The following ZNF431 variants were observed in gnomAD, a reference collection of about 807,000 sequenced individuals.
ZNF431 encodes zinc finger protein 431.
Under a neutral mutation model 57.0 loss-of-function variants are expected in ZNF431, and 34 were observed. That is an observed-to-expected ratio of 0.60 (90% confidence interval 0.45 to 0.79). The LOEUF is 0.79. ZNF431 is among the 30% of genes least tolerant of loss of function. The probability of loss-of-function intolerance (pLI) is 0.00; values close to 1 mark genes in which losing one functional copy is unlikely to be tolerated. For missense variants in ZNF431, 607 were observed against 667.1 expected (o/e 0.91, Z 0.99); for synonymous variants, 207 against 220.3 (o/e 0.94, Z 0.54).
In ZNF431 at chr19:21,195,836, T is replaced by G. The variant is rs1042467095; in HGVS notation, c.*11802T>G. The G allele has an allele frequency of 6.6e-6, 1 of 152,220 alleles. No homozygotes were observed. Among genetic ancestry groups the G allele is most frequent in the African/African-American group, 2.4e-5 (1 of 41,456 alleles). The allele number at this position is 152,220 out of a possible 1,614,324, so 9.4% of individuals were successfully genotyped here. A position where few individuals can be genotyped will look rare whatever the true frequency, so the allele number is the denominator to read the frequency against. On this transcript the variant is annotated 3_prime_UTR_variant, in exon 5 of 5. Transcript: ENST00000311048. ...ATGTGTGATACATCTTTGGATAATC[T>G]GTAATTAAATTGATCTTTTGTAATG... is the stretch of plus-strand genomic sequence containing the variant.
At position 21,164,458 on chromosome 19, in the gene ZNF431, C is replaced by T. The variant is rs148496630; in HGVS notation, c.97-1877C>T. 2.8e-3 allele frequency among the ~76,000 whole-genome samples: 419 copies of T among 152,162 alleles called. 3 individuals are homozygous for T. The highest frequency in any genetic ancestry group is 9.6e-3 in the African/African-American group (400 of 41,518). On this transcript the variant is annotated intron_variant, in intron 2 of 4. Transcript: ENST00000311048. ...TGGAGCAGCTCATTTTTTCCTGAAT[C>T]TCTTCTGTTATAAAGGAGAGAAATG... is the stretch of plus-strand genomic sequence containing the variant.
intron 2 of ZNF431, among the ~76,000 whole-genome samples, chr19:21,152,208 T>TG (rs1970293423): frequency 6.6e-6 from 1 of 152,146 alleles, no homozygotes; most frequent in African/African-American, 2.4e-5. Flanking sequence ...CTAGGCAAGA[T>TG]GGTTACTCTG....
At chr19:21,146,980 C>T (rs913913840) in intron 2 of ZNF431, among the ~76,000 whole-genome samples, 1 of 152,160 alleles carries the variant, frequency 6.6e-6, no homozygotes. Context: ...GATATTTTTG[C>T]CTAACTATTC....
chr19:21,185,773 T>G lies in ZNF431; in HGVS notation c.*1739T>G, dbSNP rs1388482746. Reference sequence around the variant, plus strand: ...ACCACGCCCAGCCTGTAGCATATTTTAATAGGAGAATACAATATATAATAG... The same window carrying G: ...ACCACGCCCAGCCTGTAGCATATTTGAATAGGAGAATACAATATATAATAG... On this transcript the variant is annotated 3_prime_UTR_variant, in exon 5 of 5. Transcript: ENST00000311048. The G allele has an allele frequency of 1.3e-5, 2 of 152,136 alleles. No homozygotes were observed. The highest frequency in any genetic ancestry group is 2.9e-5 in the Non-Finnish European group (2 of 68,038). The allele number at this position is 152,136 out of a possible 1,614,324, so 9.4% of individuals were successfully genotyped here.
At chr19:21,153,862 G>A (rs192057951) in intron 2 of ZNF431, among the ~76,000 whole-genome samples, 9 of 152,082 alleles carry the variant, frequency 5.9e-5, no homozygotes, top group Admixed American at 2.0e-4. Context: ...GATTACAGGC[G>A]CCCACCACCA....
intron 2 of ZNF431, among the ~76,000 whole-genome samples, chr19:21,161,404 T>C (rs1391234010): frequency 6.6e-6 from 1 of 152,200 alleles, no homozygotes; most frequent in Non-Finnish European, 1.5e-5. Context: ...TATTCGTGTT[T>C]CTTTTACCTT....
At chr19:21,165,229 G>T (rs1174116206) in intron 2 of ZNF431, among the ~76,000 whole-genome samples, 4 of 152,064 alleles carry the variant, frequency 2.6e-5, no homozygotes, top group Admixed American at 2.6e-4. Context: ...TGTTGAACAT[G>T]GGAAGATGTG....
chr19:21,180,465 G>A (rs74910543), intron 4 of ZNF431, among the ~76,000 whole-genome samples: 1 of 151,986 alleles, frequency 6.6e-6, no homozygotes, highest in African/African-American at 2.4e-5. Context: ...GTTAATTGTT[G>A]TATTTGCTTC....
chr19:21,157,122 GTTTGT>G (rs55824469), intron 2 of ZNF431, among the ~76,000 whole-genome samples: 139,054 of 151,732 alleles, frequency 0.92, 64,008 homozygotes, highest in Middle Eastern at 0.98. Flanking sequence ...AGGCAGTTAG[GTTTGT>G]TTTGTTTTAT....
chr19:21,142,764 T>C, intron 1 of ZNF431, among the ~76,000 whole-genome samples: 1 of 152,184 alleles, frequency 6.6e-6, no homozygotes, highest in East Asian at 1.9e-4. Flanking sequence ...AGTTACATAG[T>C]TTCTTAATTT....
intron 3 of ZNF431, 116 bp from the exon 4 acceptor site, chr19:21,167,455 A>C (rs1412992584): frequency 2.7e-6 from 2 of 742,286 alleles, no homozygotes; most frequent in Non-Finnish European, 3.6e-6. Flanking sequence ...AACTGCGCCC[A>C]GCCTTTGGAT....
chr19:21,156,978 A>G (rs1041507345), intron 2 of ZNF431, among the ~76,000 whole-genome samples: 1 of 152,094 alleles, frequency 6.6e-6, no homozygotes, highest in Non-Finnish European at 1.5e-5. Flanking sequence ...GAGTTTTGCC[A>G]TGTTGCCCAG....
chr19:21,160,443 T>C (rs1472233910), intron 2 of ZNF431, among the ~76,000 whole-genome samples: 1 of 152,202 alleles, frequency 6.6e-6, no homozygotes, highest in Non-Finnish European at 1.5e-5. Flanking sequence ...TAAAATGTCA[T>C]GCTGGAGCAG....
intron 2 of ZNF431, among the ~76,000 whole-genome samples, chr19:21,161,812 C>G (rs1316170246): frequency 6.6e-6 from 1 of 151,918 alleles, no homozygotes; most frequent in Non-Finnish European, 1.5e-5. Context: ...CACCACCATG[C>G]CTGGCTAATT....
At chr19:21,180,396 T>C (rs1360380243) in intron 4 of ZNF431, among the ~76,000 whole-genome samples, 1 of 152,310 alleles carries the variant, frequency 6.6e-6, no homozygotes, top group East Asian at 1.9e-4. Flanking sequence ...CCTCAGCATT[T>C]GCTTGTCTGA....
In ZNF431 at chr19:21,192,596, ATTTC is replaced by A. The variant is rs1971531092; in HGVS notation, c.*8566_*8569del. ...TGGATGCCTTTGATTTTTTTCTCTA[ATTTC>A]TTTGTCTTGGATATTTAGTACCATG... On this transcript the variant is annotated 3_prime_UTR_variant, in exon 5 of 5. Transcript: ENST00000311048. 6.6e-6 allele frequency: 1 copy of A among 151,900 alleles called. No homozygotes were observed. The highest frequency in any genetic ancestry group is 2.1e-4 in the South Asian group (1 of 4,818). 9.4% of individuals were successfully genotyped at this position (151,900 alleles called of 1,614,324 possible). A position where few individuals can be genotyped will look rare whatever the true frequency, so the allele number is the denominator to read the frequency against.
intron 4 of ZNF431, among the ~76,000 whole-genome samples, chr19:21,172,523 CATG>C (rs767986166): frequency 2.0e-5 from 3 of 151,912 alleles, no homozygotes; most frequent in Non-Finnish European, 4.4e-5. Context: ...CAGGGCCAGA[CATG>C]GTGGTGGCTC....
At chr19:21,176,047 G>A (rs777309452) in intron 4 of ZNF431, among the ~76,000 whole-genome samples, 23 of 152,154 alleles carry the variant, frequency 1.5e-4, no homozygotes, top group Non-Finnish European at 3.1e-4. Flanking sequence ...CACCAAAAGC[G>A]TAACAGTATT....
intron 2 of ZNF431, among the ~76,000 whole-genome samples, chr19:21,154,173 C>G (rs113488213): frequency 0.012 from 1,902 of 152,282 alleles, 32 homozygotes; most frequent in South Asian, 0.055. Context: ...TCCCTCCCCC[C>G]TCCACCCCAC....
Sources: gnomAD v4.1 joint callset for allele counts (sites outside exome capture counted in the v4.1 genomes callset) on GRCh38, gnomAD v4.1.1 for gene constraint, MANE v1.5 for transcripts, NCBI Gene and HGNC (gene_info 2026-07-23, HGNC 2026-07-21) for gene names.